The following TTC39B variants were observed in gnomAD, a reference collection of about 807,000 sequenced individuals.
TTC39B encodes tetratricopeptide repeat domain 39B, also known as tetratricopeptide repeat protein 39B.
Under a neutral mutation model 96.6 loss-of-function variants are expected in TTC39B, and 92 were observed. That is an observed-to-expected ratio of 0.95 (90% confidence interval 0.80 to 1.13). TTC39B has a LOEUF of 1.13. Ranked by LOEUF, TTC39B falls within the 50% of genes most tolerant of loss-of-function variation. TTC39B has a pLI of 0.00. For synonymous variants in TTC39B, 367 were observed against 299.4 expected (o/e 1.23, Z -2.33); for missense variants, 955 against 809.3 (o/e 1.18, Z -2.18).
At chr9:15,165,982 C>T (rs1391921870) in exon 20 of TTC39B, 1 of 152,100 alleles carries the variant, frequency 6.6e-6, no homozygotes, top group African/African-American at 2.4e-5. Context: ...TACACTGAGA[C>T]CAATTTATTT....
At position 15,168,419 on chromosome 9, in the gene TTC39B, C is replaced by CAAAAATA. The variant is rs1817566621; in HGVS notation, c.*3599_*3600insTATTTTT. ...TTTCTAAATATGCAGAGTATAAATA[C>CAAAAATA]AAAAAAAAAAAACAGAAATGGAGGG... On this transcript the variant is annotated 3_prime_UTR_variant, in exon 20 of 20. Coordinates refer to ENST00000512701, the Ensembl canonical transcript of TTC39B. 2 of 128,142 alleles carry CAAAAATA rather than the reference C, an allele frequency of 1.6e-5. 1 individual carries two copies. Among genetic ancestry groups the CAAAAATA allele is most frequent in the Non-Finnish European group, 3.2e-5 (2 of 62,478 alleles). 7.9% of individuals were successfully genotyped at this position (128,142 alleles called of 1,614,324 possible). A position where few individuals can be genotyped will look rare whatever the true frequency, so the allele number is the denominator to read the frequency against.
chr9:15,252,813 T>C (rs997847926), intron 2 of TTC39B, among the ~76,000 whole-genome samples: 7 of 152,226 alleles, frequency 4.6e-5, no homozygotes, highest in Admixed American at 1.3e-4. Context: ...GTGGGAACTC[T>C]ACTACATTTT....
chr9:15,166,982 T>TTA (rs1174714919), exon 20 of TTC39B: 55 of 20,266 alleles, frequency 2.7e-3, no homozygotes, highest in Non-Finnish European at 3.0e-3. Flanking sequence ...AACCTTTATT[T>TTA]TATATATATA....
intron 3 of TTC39B, among the ~76,000 whole-genome samples, chr9:15,223,662 A>G (rs563089833): frequency 1.3e-5 from 2 of 152,356 alleles, no homozygotes; most frequent in East Asian, 3.9e-4. Context: ...ATTCTTCAAC[A>G]CATGCATTAG....
intron 10 of TTC39B, among the ~76,000 whole-genome samples, chr9:15,190,955 C>T (rs191701930): frequency 9.2e-5 from 14 of 152,104 alleles, no homozygotes; most frequent in African/African-American, 3.4e-4. Context: ...ATTAGCAACA[C>T]ATAATTTTTC....
At chr9:15,227,308 C>CAA (rs199578209) in intron 2 of TTC39B, among the ~76,000 whole-genome samples, 20 of 123,246 alleles carry the variant, frequency 1.6e-4, no homozygotes, top group African/African-American at 3.2e-4. Flanking sequence ...AACTCCATCT[C>CAA]AAAAAAAAAA....
intron 3 of TTC39B, among the ~76,000 whole-genome samples, chr9:15,223,305 G>A (rs778345394): frequency 6.6e-6 from 1 of 152,222 alleles, no homozygotes; most frequent in Admixed American, 6.5e-5. Context: ...TTACAAGTAA[G>A]GAGGCAAATG....
intron 2 of TTC39B, among the ~76,000 whole-genome samples, chr9:15,258,134 G>A (rs61546846): frequency 0.042 from 6,370 of 152,184 alleles, 457 homozygotes; most frequent in African/African-American, 0.14. Context: ...AGTAGAGGGA[G>A]AGAACAAAAG....
intron 1 of TTC39B, among the ~76,000 whole-genome samples, chr9:15,300,032 C>T (rs186175587): frequency 3.3e-5 from 5 of 152,296 alleles, no homozygotes; most frequent in Admixed American, 3.3e-4. Context: ...TGTTTGTTAA[C>T]CTGAGCTGGA....
intron 8 of TTC39B, among the ~76,000 whole-genome samples, chr9:15,198,374 T>C (rs1819305706): frequency 6.6e-6 from 1 of 151,298 alleles, no homozygotes; most frequent in Non-Finnish European, 1.5e-5. Flanking sequence ...GGAGAGTTGC[T>C]TGAACCCAGG....
At chr9:15,168,951 G>A (rs1817578909) in exon 20 of TTC39B, 1 of 152,006 alleles carries the variant, frequency 6.6e-6, no homozygotes, top group Non-Finnish European at 1.5e-5. Flanking sequence ...GGTAGGGGGG[G>A]AGCATTTTTT....
intron 17 of TTC39B, among the ~76,000 whole-genome samples, chr9:15,180,560 G>A (rs959828062): frequency 5.3e-5 from 8 of 152,150 alleles, no homozygotes; most frequent in Admixed American, 1.3e-4. Context: ...AGACACACTT[G>A]CAAAGCTAGG....
chr9:15,164,727 T>A (rs1305481030), exon 20 of TTC39B: 1 of 124,270 alleles, frequency 8.0e-6, no homozygotes, highest in African/African-American at 3.0e-5. Flanking sequence ...GTTTGGATGT[T>A]AACAGTCAGC....
intron 2 of TTC39B, chr9:15,249,314 A>C (rs575225642): frequency 5.6e-4 from 85 of 152,362 alleles, no homozygotes; most frequent in African/African-American, 2.0e-3. Context: ...GGCCATACAA[A>C]GGTCACTTTT....
rs976098629 is a variant in TTC39B at position 15,199,983 on chromosome 9, C to G, written c.760-58G>C. The G allele has an allele frequency of 4.0e-5, 39 of 977,994 alleles. No individual in the cohort carries two copies. The African/African-American group carries it at 6.5e-4, about 16-fold the overall frequency. The allele number at this position is 977,994 out of a possible 1,614,324, so 60.6% of individuals were successfully genotyped here. On this transcript the variant is annotated intron_variant, in intron 7 of 19. Transcript: ENST00000512701. ...TTAGCAAAAAATTTTAAATTGTCCCCACAGTTGTGTGTTTGTGTGATTAGA... is the reference window on the plus strand; with the variant it reads ...TTAGCAAAAAATTTTAAATTGTCCCGACAGTTGTGTGTTTGTGTGATTAGA...
At chr9:15,220,989 G>A (rs917651470) in intron 3 of TTC39B, among the ~76,000 whole-genome samples, 5 of 152,190 alleles carry the variant, frequency 3.3e-5, no homozygotes, top group Admixed American at 6.5e-5. Flanking sequence ...CAGTGATGCC[G>A]AGTTCTCAGT....
chr9:15,218,283 T>G (rs116731808), intron 3 of TTC39B, among the ~76,000 whole-genome samples: 1 of 151,814 alleles, frequency 6.6e-6, no homozygotes, highest in Non-Finnish European at 1.5e-5. Context: ...GGACTGGAAA[T>G]TAGAAGTCAG....
In TTC39B at chr9:15,175,015, T is replaced by A. The variant is rs1235931407; in HGVS notation, c.1958+4A>T. On this transcript the variant is annotated splice_donor_region_variant and intron_variant, in intron 19 of 19. Transcript: ENST00000512701. ...ATCAAGGAAAAGCTGCCTTCAACAC[T>A]TACCTTGCAGTTTCTAGGAACTTTA... The A allele has an allele frequency of 6.2e-7, 1 of 1,607,340 alleles. No individual in the cohort carries two copies.
intron 8 of TTC39B, among the ~76,000 whole-genome samples, chr9:15,194,386 C>A (rs1006043369): frequency 6.6e-6 from 1 of 152,132 alleles, no homozygotes; most frequent in South Asian, 2.1e-4. Context: ...TCTTTCTTCA[C>A]TGTTTTGAAA....
Sources: gnomAD v4.1 joint callset for allele counts (sites outside exome capture counted in the v4.1 genomes callset) on GRCh38, gnomAD v4.1.1 for gene constraint, MANE v1.5 for transcripts, NCBI Gene and HGNC (gene_info 2026-07-23, HGNC 2026-07-21) for gene names.